CADM2: variants seen among roughly 807,000 people sequenced by gnomAD.
CADM2 encodes the protein cell adhesion molecule 2.
In CADM2, 12 loss-of-function variants were observed where a neutral mutation model predicts 49.8. The observed-to-expected ratio is 0.24, with a 90% CI of 0.15 to 0.39. The LOEUF (loss-of-function observed/expected upper bound fraction) is 0.39, where lower values mean the gene tolerates loss of function less well. Among genes scored for constraint, CADM2 ranks in the 10% least tolerant of loss-of-function variants. The pLI is 1.00. For synonymous variants in CADM2, 214 were observed against 175.4 expected, an observed-to-expected ratio of 1.22 and a Z score of -1.74; for missense variants, 378 against 492.3, an observed-to-expected ratio of 0.77 and a Z score of 2.20.
In CADM2 at chr3:86,060,839, G is replaced by A. The variant is rs563841322; in HGVS notation, c.971-4766G>A. On this transcript the variant is annotated intron_variant, in intron 8 of 9. Transcript: ENST00000383699. ...TCTACTGAAAATACAGAAATTAGCCGGGCGTGGTGGTGCACGTCTGTAGTC... is the reference window on the plus strand; with the variant it reads ...TCTACTGAAAATACAGAAATTAGCCAGGCGTGGTGGTGCACGTCTGTAGTC... Among the ~76,000 whole-genome samples, 107 of 152,034 alleles carry A rather than the reference G, an allele frequency of 7.0e-4. 1 individual carries two copies. The highest frequency in any genetic ancestry group is 7.0e-3 in the East Asian group (36 of 5,140).
At position 85,603,193 on chromosome 3, in the gene CADM2, T is replaced by C. The variant is rs113942315; in HGVS notation, c.62-123329T>C. On this transcript the variant is annotated intron_variant, in intron 1 of 9. Coordinates refer to ENST00000383699, the MANE Select transcript of CADM2 (RefSeq NM_001167675.2). ...GGATCTGAAATATACATTTAAAACC[T>C]GAATACATGAAGGAGTAGAAGAATC... is the stretch of plus-strand genomic sequence containing the variant. 3.8e-3 allele frequency among the ~76,000 whole-genome samples: 572 copies of C among 152,024 alleles called. 3 individuals carry two copies. The highest frequency in any genetic ancestry group is 0.012 in the African/African-American group (508 of 41,554).
chr3:85,431,860 C>CATATGTATATATATATGTATATATATAT lies in CADM2; in HGVS notation c.62-294658_62-294657insGTATATATATATGTATATATATATATAT, dbSNP rs139257494. Among the ~76,000 whole-genome samples, 2 of 51,812 alleles carry CATATGTATATATATATGTATATATATAT rather than the reference C, an allele frequency of 3.9e-5. 1 individual carries two copies. The highest frequency in any genetic ancestry group is 1.1e-3 in the East Asian group (2 of 1,778). The allele number at this position is 51,812 out of a possible 152,430, so 34.0% of individuals were successfully genotyped here. ...AACACCATGGTCTTATGCTTAATTG[C>CATATGTATATATATATGTATATATATAT]ATATATATATATGCCATGCTCTTTC... On this transcript the variant is annotated intron_variant, in intron 1 of 9. Coordinates refer to ENST00000383699, the MANE Select transcript of CADM2 (RefSeq NM_001167675.2).
intron 8 of CADM2, among the ~76,000 whole-genome samples, chr3:85,964,553 A>G (rs75059089): frequency 0.041 from 6,192 of 151,846 alleles, 418 homozygotes; most frequent in African/African-American, 0.14. Flanking sequence ...TTGTGTTAGA[A>G]ACACTGGTGA....
chr3:85,219,249 A>G (rs911266179), intron 1 of CADM2, among the ~76,000 whole-genome samples: 3 of 152,202 alleles, frequency 2.0e-5, no homozygotes, highest in Non-Finnish European at 2.9e-5. Flanking sequence ...AGCTTTTAAT[A>G]TCTGACTTTG....
intron 1 of CADM2, among the ~76,000 whole-genome samples, chr3:85,578,493 A>G (rs72909291): frequency 0.041 from 6,215 of 152,326 alleles, 422 homozygotes; most frequent in African/African-American, 0.14. Flanking sequence ...AAATAAATAG[A>G]TCAAGACTTT....
At chr3:85,350,320 C>G (rs1040785124) in intron 1 of CADM2, among the ~76,000 whole-genome samples, 4 of 152,032 alleles carry the variant, frequency 2.6e-5, no homozygotes, top group Non-Finnish European at 5.9e-5. Context: ...AAACACATGT[C>G]TAATAAGAAA....
chr3:85,790,176 T>G (rs1307989640), intron 2 of CADM2, among the ~76,000 whole-genome samples: 2 of 152,224 alleles, frequency 1.3e-5, no homozygotes, highest in Admixed American at 1.3e-4. Flanking sequence ...AGCTGAGATA[T>G]CACAATCATG....
chr3:85,096,862 G>C (rs2037816769), intron 1 of CADM2, among the ~76,000 whole-genome samples: 1 of 151,952 alleles, frequency 6.6e-6, no homozygotes, highest in Non-Finnish European at 1.5e-5. Context: ...AATTGCTTTT[G>C]TTTAACCTTC....
At chr3:85,037,805 C>G (rs2035280401) in intron 1 of CADM2, among the ~76,000 whole-genome samples, 1 of 152,180 alleles carries the variant, frequency 6.6e-6, no homozygotes, top group Admixed American at 6.5e-5. Context: ...ATCCTTCAAG[C>G]TAGAGGTGAA....
At chr3:85,170,375 G>C (rs960112947) in intron 1 of CADM2, among the ~76,000 whole-genome samples, 8 of 145,970 alleles carry the variant, frequency 5.5e-5, no homozygotes, top group African/African-American at 1.8e-4. Flanking sequence ...GTCTTGCTCT[G>C]TTGCCCAGGC....
intron 1 of CADM2, among the ~76,000 whole-genome samples, chr3:85,275,959 G>T (rs1347766059): frequency 1.3e-5 from 2 of 151,134 alleles, no homozygotes; most frequent in East Asian, 1.9e-4. Context: ...TATTTCTGAA[G>T]AATTTAAATT....
chr3:85,618,793 A>G (rs1393885083), intron 1 of CADM2, among the ~76,000 whole-genome samples: 1 of 152,062 alleles, frequency 6.6e-6, no homozygotes, highest in African/African-American at 2.4e-5. Flanking sequence ...TTGTGACAAT[A>G]GTGTCTATTT....
chr3:85,690,737 C>CT (rs573854391), intron 1 of CADM2, among the ~76,000 whole-genome samples: 2 of 152,086 alleles, frequency 1.3e-5, no homozygotes, highest in African/African-American at 4.8e-5. Flanking sequence ...GTCATATTCT[C>CT]TTTTTTAGAA....
chr3:85,575,224 A>G (rs989189527), intron 1 of CADM2, among the ~76,000 whole-genome samples: 36 of 152,182 alleles, frequency 2.4e-4, no homozygotes, highest in Admixed American at 1.8e-3. Context: ...AGAATCTTCA[A>G]TGAAAATGCA....
At chr3:86,063,403 A>G (rs944956048) in intron 8 of CADM2, among the ~76,000 whole-genome samples, 1 of 152,228 alleles carries the variant, frequency 6.6e-6, no homozygotes, top group Admixed American at 6.5e-5. Flanking sequence ...CCAGGCTGGC[A>G]TTACAAGTCC....
At chr3:85,791,972 C>A (rs1382169216) in intron 2 of CADM2, among the ~76,000 whole-genome samples, 1 of 152,144 alleles carries the variant, frequency 6.6e-6, no homozygotes, top group Admixed American at 6.5e-5. Context: ...ATCCGCCCAC[C>A]TCGGCCTCCC....
intron 1 of CADM2, among the ~76,000 whole-genome samples, chr3:85,532,000 A>T (rs1576736009): frequency 6.6e-6 from 1 of 152,056 alleles, no homozygotes; most frequent in Admixed American, 6.6e-5. Context: ...ACACGGTGAA[A>T]CCCCGTCTAT....
intron 1 of CADM2, among the ~76,000 whole-genome samples, chr3:85,591,295 A>G (rs1046939663): frequency 6.6e-6 from 1 of 151,976 alleles, no homozygotes; most frequent in Non-Finnish European, 1.5e-5. Flanking sequence ...CCATTTTCTT[A>G]GAGTATGTAC....
chr3:84,981,266 T>A (rs952735627), intron 1 of CADM2, among the ~76,000 whole-genome samples: 1 of 151,904 alleles, frequency 6.6e-6, no homozygotes, highest in Non-Finnish European at 1.5e-5. Flanking sequence ...CTGAGAATGA[T>A]GATTTTTAAA....
Sources: allele counts gnomAD v4.1 joint callset (sites outside exome capture counted in the v4.1 genomes callset), GRCh38; gene constraint gnomAD v4.1.1; transcripts MANE v1.5; gene names NCBI Gene and HGNC (gene_info 2026-07-23, HGNC 2026-07-21).